CACNG2: variants seen among roughly 807,000 people sequenced by gnomAD.
CACNG2 encodes calcium voltage-gated channel auxiliary subunit gamma 2.
In CACNG2, 3 loss-of-function variants were observed where a neutral mutation model predicts 25.9. The ratio of observed to expected loss-of-function variants is 0.12; its 90% CI spans 0.05 to 0.30. The LOEUF is 0.30. Ranked by LOEUF, CACNG2 falls within the 10% of genes least tolerant of loss-of-function variation. The pLI is 1.00. For synonymous variants in CACNG2, 167 were observed against 173.3 expected (o/e 0.96, Z 0.29); for missense variants, 341 against 432.5 (o/e 0.79, Z 1.88).
Position 36,587,466 on chromosome 22 carries a change from G to A in CACNG2, c.294C>T (p.Leu98=), listed in dbSNP as rs1935523027. 6.2e-7 allele frequency: 1 copy of A among 1,608,346 alleles called. No homozygotes were observed. Among genetic ancestry groups the A allele is most frequent in the African/African-American group, 1.3e-5 (1 of 74,924 alleles). ...DYEADTAEYF[L]RAVRASSIFP... ...ATAAAAACAATCGTGTGCACTCACG[G>A]AGGAAATATTCTGCTGTGTCAGCTT... The change falls in exon 2 of 4, where the codon CTC becomes CTT. Residue 98 remains leucine, a splice_region_variant and synonymous_variant. Transcript: ENST00000300105.
chr22:36,634,654 T>C (rs923546532), intron 1 of CACNG2, among the ~76,000 whole-genome samples: 4 of 152,230 alleles, frequency 2.6e-5, no homozygotes, highest in African/African-American at 4.8e-5. Context: ...AGGGGTTTAA[T>C]AGATTAGCTC....
Position 36,645,840 on chromosome 22 carries a change from G to T in CACNG2, c.211+56526C>A, listed in dbSNP as rs1193809057. Among the ~76,000 whole-genome samples, 3 of 152,124 alleles carry T rather than the reference G, an allele frequency of 2.0e-5. No homozygotes were observed. The East Asian group carries it at 5.8e-4, about 29-fold the overall frequency. ...CCATTTCCATAAACAAATGTGAAAAGAAACATTATAAGAAGCAGCCATGTG... is the reference window on the plus strand; with the variant it reads ...CCATTTCCATAAACAAATGTGAAAATAAACATTATAAGAAGCAGCCATGTG... On this transcript the variant is annotated intron_variant, in intron 1 of 3. Transcript: ENST00000300105.
chr22:36,665,441 A>T (rs1457318859), intron 1 of CACNG2, among the ~76,000 whole-genome samples: 1 of 152,210 alleles, frequency 6.6e-6, no homozygotes, highest in Non-Finnish European at 1.5e-5. Context: ...CACATAGTAA[A>T]TGCTCAGTTA....
intron 1 of CACNG2, among the ~76,000 whole-genome samples, chr22:36,590,693 C>T (rs1316210237): frequency 1.3e-5 from 2 of 152,164 alleles, no homozygotes; most frequent in Non-Finnish European, 2.9e-5. Flanking sequence ...GACAGTGATC[C>T]TTTGTACATG....
At chr22:36,592,492 G>T (rs904930354) in intron 1 of CACNG2, among the ~76,000 whole-genome samples, 2 of 152,102 alleles carry the variant, frequency 1.3e-5, no homozygotes, top group Non-Finnish European at 2.9e-5. Context: ...CACTGGAAAG[G>T]TCACACAAAT....
chr22:36,572,264 T>C (rs1415214411), intron 2 of CACNG2, among the ~76,000 whole-genome samples: 1 of 152,130 alleles, frequency 6.6e-6, no homozygotes. Context: ...TCAAGGAGAT[T>C]ACACACGCCT....
intron 1 of CACNG2, among the ~76,000 whole-genome samples, chr22:36,694,979 G>A (rs773522572): frequency 9.2e-5 from 14 of 152,144 alleles, no homozygotes; most frequent in Non-Finnish European, 1.5e-4. Flanking sequence ...ACTTTGGGAG[G>A]CTCAGGTCAG....
At chr22:36,683,535 G>T (rs1937154907) in intron 1 of CACNG2, among the ~76,000 whole-genome samples, 1 of 152,074 alleles carries the variant, frequency 6.6e-6, no homozygotes, top group Non-Finnish European at 1.5e-5. Context: ...TGTCATTATT[G>T]TTATGGGAGA....
At chr22:36,621,507 T>C (rs1936104713) in intron 1 of CACNG2, among the ~76,000 whole-genome samples, 1 of 151,514 alleles carries the variant, frequency 6.6e-6, no homozygotes, top group South Asian at 2.1e-4. Context: ...GAGGCAGAGA[T>C]TGCACTGAGC....
chr22:36,600,133 G>T (rs1935731841), intron 1 of CACNG2, among the ~76,000 whole-genome samples: 2 of 152,204 alleles, frequency 1.3e-5, no homozygotes, highest in Non-Finnish European at 2.9e-5. Context: ...CATGATGGTA[G>T]AATAAGATAA....
chr22:36,623,957 G>A (rs952429799), intron 1 of CACNG2, among the ~76,000 whole-genome samples: 6 of 152,094 alleles, frequency 3.9e-5, no homozygotes, highest in South Asian at 4.1e-4. Context: ...CCTCCAAGAC[G>A]GGGTTGGTCT....
intron 1 of CACNG2, among the ~76,000 whole-genome samples, chr22:36,676,968 G>GTGTT (rs1405715117): frequency 1.3e-5 from 2 of 150,444 alleles, no homozygotes; most frequent in Non-Finnish European, 2.9e-5. Context: ...GTGTGTGTGT[G>GTGTT]TTTTAAAAAT....
intron 1 of CACNG2, among the ~76,000 whole-genome samples, chr22:36,619,261 GA>G (rs777351967): frequency 6.6e-6 from 1 of 152,156 alleles, no homozygotes; most frequent in Non-Finnish European, 1.5e-5. Context: ...TGTATTAAAT[GA>G]ATATAATTCT....
intron 1 of CACNG2, among the ~76,000 whole-genome samples, chr22:36,621,555 G>A (rs1569032050): frequency 1.4e-5 from 2 of 147,712 alleles, no homozygotes; most frequent in Admixed American, 6.8e-5. Context: ...GGGTGATGAA[G>A]TGAGATTTTG....
At chr22:36,644,335 G>T (rs1486266200) in intron 1 of CACNG2, among the ~76,000 whole-genome samples, 1 of 152,188 alleles carries the variant, frequency 6.6e-6, no homozygotes, top group African/African-American at 2.4e-5. Flanking sequence ...TTAGCTTGAC[G>T]TCTTCCTGTT....
chr22:36,600,253 C>T (rs1328230125), intron 1 of CACNG2, among the ~76,000 whole-genome samples: 1 of 152,118 alleles, frequency 6.6e-6, no homozygotes, highest in African/African-American at 2.4e-5. Context: ...TATTTTCTTA[C>T]TTTTAATTTT....
At chr22:36,662,239 C>T (rs140494833) in intron 1 of CACNG2, among the ~76,000 whole-genome samples, 1,968 of 152,158 alleles carry the variant, frequency 0.013, 17 homozygotes, top group Non-Finnish European at 0.018. Context: ...GCCTCGTCCT[C>T]CCAAAGTGCT....
Position 36,606,190 on chromosome 22 carries a change from C to T in CACNG2, c.212-18642G>A, listed in dbSNP as rs1408410171. Among the ~76,000 whole-genome samples the T allele has an allele frequency of 6.6e-6, 1 of 152,168 alleles. No individual in the cohort carries two copies. Among genetic ancestry groups the T allele is most frequent in the Non-Finnish European group, 1.5e-5 (1 of 68,030 alleles). On this transcript the variant is annotated intron_variant, in intron 1 of 3. Coordinates refer to ENST00000300105, the MANE Select transcript of CACNG2 (RefSeq NM_006078.5). The surrounding 1 kb of genome is among the most constrained non-coding windows in gnomAD (Gnocchi z 5.7). ...GAGAAGGGATCAATACAGACGGATT[C>T]CCCGTCCCCCAGAGCTGAGTCTTGA...
chr22:36,677,255 T>C (rs897780308), intron 1 of CACNG2, among the ~76,000 whole-genome samples: 2 of 152,058 alleles, frequency 1.3e-5, no homozygotes, highest in African/African-American at 4.8e-5. Context: ...ATTCTGAGAG[T>C]CAAGAAAAAC....
Sources: gnomAD v4.1 joint callset for allele counts (sites outside exome capture counted in the v4.1 genomes callset) on GRCh38, gnomAD v4.1.1 for gene constraint, Gnocchi (gnomAD v3.1) non-coding constraint, MANE v1.5 for transcripts, NCBI Gene and HGNC (gene_info 2026-07-23, HGNC 2026-07-21) for gene names.